NCAPH: variants seen among roughly 807,000 people sequenced by gnomAD.
NCAPH encodes the protein non-SMC condensin I complex subunit H, also known as condensin complex subunit 2.
A neutral mutation model predicts 85.5 loss-of-function variants in NCAPH; 38 were observed. That is an observed-to-expected ratio of 0.44 (90% confidence interval 0.34 to 0.58). NCAPH has a LOEUF of 0.58. NCAPH is among the 20% of genes least tolerant of loss of function. The pLI is 0.01. For missense variants in NCAPH, 789 were observed against 916.6 expected, an observed-to-expected ratio of 0.86 and a Z score of 1.80; for synonymous variants, 301 against 335.1, an observed-to-expected ratio of 0.90 and a Z score of 1.11.
chr2:96,338,274 A>G (rs2064243145), intron 1 of NCAPH, among the ~76,000 whole-genome samples: 1 of 151,458 alleles, frequency 6.6e-6, no homozygotes, highest in East Asian at 1.9e-4. Flanking sequence ...GCAAACAAAA[A>G]GGAACATCCC....
At chr2:96,355,646 T>G (rs550540146) in intron 9 of NCAPH, among the ~76,000 whole-genome samples, 9 of 141,820 alleles carry the variant, frequency 6.3e-5, no homozygotes, top group Non-Finnish European at 1.4e-4. Flanking sequence ...TGTTTTTTTG[T>G]TTTTTTTTTT....
intron 12 of NCAPH, among the ~76,000 whole-genome samples, chr2:96,361,886 A>AT (rs1171499164): frequency 4.5e-4 from 31 of 68,874 alleles, no homozygotes; most frequent in Non-Finnish European, 7.7e-4. Context: ...GTTTTTTTGT[A>AT]TTTTTTTTTA....
At chr2:96,354,499 C>G in intron 9 of NCAPH, 111 bp downstream of exon 9, 1 of 946,636 alleles carries the variant, frequency 1.1e-6, no homozygotes, top group South Asian at 2.5e-5. Context: ...TTTCCCCCCC[C>G]AAAAATAGAG....
chr2:96,338,235 T>G (rs1427011532), intron 1 of NCAPH, among the ~76,000 whole-genome samples: 1 of 121,186 alleles, frequency 8.3e-6, no homozygotes, highest in Non-Finnish European at 1.7e-5. Context: ...TACTTCCTAT[T>G]TTATTGAAAA....
At chr2:96,351,682 A>AC in intron 6 of NCAPH, 149 bp from the exon 7 acceptor site, 5 of 661,426 alleles carry the variant, frequency 7.6e-6, no homozygotes, top group Admixed American at 3.6e-5. Context: ...AAAAAAAAAA[A>AC]AAACAAAAAC....
Position 96,374,154 on chromosome 2 carries a change from G to A in NCAPH, c.*803G>A, listed in dbSNP as rs887893054. 1.3e-5 allele frequency among the ~76,000 whole-genome samples: 2 copies of A among 152,198 alleles called. No homozygotes were observed. Among genetic ancestry groups the A allele is most frequent in the Admixed American group, 6.5e-5 (1 of 15,280 alleles). On this transcript the variant is annotated 3_prime_UTR_variant, in exon 18 of 18. Coordinates refer to ENST00000240423, the MANE Select transcript of NCAPH (RefSeq NM_015341.5). ...ACTTACTATTGTGACTCTCATGTTG[G>A]AGGAGGAAACGGACACCCAAGGTAG...
chr2:96,354,368 C>T lies in NCAPH; in HGVS notation c.1188C>T (p.Pro396=). ...AAGAGTTCAGGAGCTGGAAGGAGCC[C>T]TGCCAGGTTCAGAGCTGCCAGTAAG... The part of the protein sequence containing the change: ...DHEEFRSWKE[P]CQVQSCQEEM... Residue 396 remains proline (P), a synonymous_variant, in exon 9 of 18, where the codon CCC becomes CCT. Transcript: ENST00000240423. 6.2e-7 allele frequency: 1 copy of T among 1,600,962 alleles called. No individual in the cohort carries two copies. The highest frequency in any genetic ancestry group is 8.5e-7 in the Non-Finnish European group (1 of 1,172,308).
chr2:96,341,932 G>A (rs371051398), intron 2 of NCAPH, 38 bp downstream of exon 2: 25 of 1,604,164 alleles, frequency 1.6e-5, no homozygotes, highest in East Asian at 4.5e-5. Flanking sequence ...TGAGGCAGCC[G>A]CCTTGATATG....
At chr2:96,364,423 C>T (rs1241804186) in intron 12 of NCAPH, 58 bp from the exon 13 acceptor site, 4 of 1,153,078 alleles carry the variant, frequency 3.5e-6, no homozygotes, top group Admixed American at 4.0e-5. Flanking sequence ...ATTTACTTCT[C>T]TAACCTAGTT....
chr2:96,356,870 C>G (rs1186696437), intron 9 of NCAPH, among the ~76,000 whole-genome samples: 2 of 151,330 alleles, frequency 1.3e-5, no homozygotes, highest in East Asian at 3.9e-4. Flanking sequence ...CGTTATTGGT[C>G]TCTGCATGGC....
Position 96,341,905 on chromosome 2 carries a change from C to G in NCAPH, c.272+11C>G, listed in dbSNP as rs370783255. Reference sequence around the variant, plus strand: ...CTCCCCCTCCAGCAGGTGAGGTGCTCCTGGGCTGTTTCTCCTTGAGGCAGC... The same window carrying G: ...CTCCCCCTCCAGCAGGTGAGGTGCTGCTGGGCTGTTTCTCCTTGAGGCAGC... On this transcript the variant is annotated intron_variant, in intron 2 of 17. Transcript: ENST00000240423. 3.4e-5 allele frequency: 55 copies of G among 1,606,856 alleles called. No homozygotes were observed. Among genetic ancestry groups the G allele is most frequent in the Non-Finnish European group, 4.1e-5 (48 of 1,177,606 alleles).
intron 1 of NCAPH, among the ~76,000 whole-genome samples, 176 bp downstream of exon 1, chr2:96,336,024 G>A (rs981225200): frequency 6.6e-6 from 1 of 152,122 alleles, no homozygotes; most frequent in Non-Finnish European, 1.5e-5. Context: ...GGCGCGGGGC[G>A]GGCGGACCTT....
chr2:96,336,330 G>A (rs1443970246), intron 1 of NCAPH, among the ~76,000 whole-genome samples: 1 of 152,196 alleles, frequency 6.6e-6, no homozygotes, highest in Non-Finnish European at 1.5e-5. Context: ...TCTCTATACT[G>A]TTGGAGTTGG....
intron 13 of NCAPH, among the ~76,000 whole-genome samples, chr2:96,364,864 G>T (rs1490724054): frequency 2.0e-5 from 3 of 152,310 alleles, no homozygotes; most frequent in East Asian, 1.9e-4. Context: ...TGGGTGTTTA[G>T]CCTCTGCTAC....
At chr2:96,371,262 T>G (rs898761506) in intron 17 of NCAPH, among the ~76,000 whole-genome samples, 19 of 152,096 alleles carry the variant, frequency 1.2e-4, no homozygotes, top group Non-Finnish European at 1.5e-5. Flanking sequence ...CTCTCCAACA[T>G]GGGTGCTGGT....
chr2:96,357,098 C>A (rs1359978019), intron 9 of NCAPH, among the ~76,000 whole-genome samples: 1 of 152,266 alleles, frequency 6.6e-6, no homozygotes, highest in South Asian at 2.1e-4. Flanking sequence ...ATGACCTAGT[C>A]GGAGGTCAAA....
intron 9 of NCAPH, among the ~76,000 whole-genome samples, chr2:96,358,829 G>A (rs983689239): frequency 5.5e-4 from 83 of 152,196 alleles, no homozygotes; most frequent in African/African-American, 1.8e-3. Context: ...GCATTTTATG[G>A]TGCACTTTGA....
At chr2:96,340,010 T>C (rs2064269713) in intron 1 of NCAPH, among the ~76,000 whole-genome samples, 1 of 152,156 alleles carries the variant, frequency 6.6e-6, no homozygotes, top group Admixed American at 6.6e-5. Context: ...ACAGCCTCCG[T>C]CTCCCGGGTT....
intron 7 of NCAPH, among the ~76,000 whole-genome samples, chr2:96,352,436 T>G (rs555805338): frequency 6.6e-6 from 1 of 152,294 alleles, no homozygotes; most frequent in Admixed American, 6.5e-5. Flanking sequence ...AAGAGAGCGT[T>G]GTGAATTGTT....
Sources: gnomAD v4.1 joint callset for allele counts (sites outside exome capture counted in the v4.1 genomes callset) on GRCh38, gnomAD v4.1.1 for gene constraint, MANE v1.5 for transcripts, NCBI Gene and HGNC (gene_info 2026-07-23, HGNC 2026-07-21) for gene names.